PARD3: variants seen among roughly 807,000 people sequenced by gnomAD.
PARD3 encodes partitioning defective 3 homolog.
Under a neutral mutation model 155.4 loss-of-function variants are expected in PARD3, and 75 were observed. That is an observed-to-expected ratio of 0.48 (90% CI 0.40 to 0.58). The LOEUF is 0.58. Among genes scored for constraint, PARD3 ranks in the 20% least tolerant of loss-of-function variants. PARD3 has a pLI of 0.00. For missense variants in PARD3, 1,642 were observed against 1,721.7 expected, an observed-to-expected ratio of 0.95 and a Z score of 0.82; for synonymous variants, 576 against 610.5, an observed-to-expected ratio of 0.94 and a Z score of 0.83.
At chr10:34,725,547 C>T (rs1208775431) in intron 1 of PARD3, among the ~76,000 whole-genome samples, 2 of 152,182 alleles carry the variant, frequency 1.3e-5, no homozygotes, top group Admixed American at 1.3e-4. Flanking sequence ...ATTTTCACAA[C>T]AGTCCCTACT....
At chr10:34,746,900 G>A (rs888372477) in intron 1 of PARD3, among the ~76,000 whole-genome samples, 8 of 152,126 alleles carry the variant, frequency 5.3e-5, no homozygotes, top group South Asian at 4.1e-4. Flanking sequence ...ATGCCCAGGC[G>A]AGACACCCTG....
intron 2 of PARD3, among the ~76,000 whole-genome samples, chr10:34,692,091 G>C (rs1052055506): frequency 1.7e-4 from 26 of 152,142 alleles, no homozygotes; most frequent in African/African-American, 6.3e-4. Context: ...AATTAGCCAG[G>C]CATGGTGACG....
chr10:34,143,934 T>G (rs1948329558), intron 22 of PARD3, among the ~76,000 whole-genome samples: 1 of 152,078 alleles, frequency 6.6e-6, no homozygotes, highest in Admixed American at 6.5e-5. Context: ...ACTTCATAAT[T>G]ATTCATTAAT....
intron 2 of PARD3, among the ~76,000 whole-genome samples, chr10:34,666,261 T>C (rs114470977): frequency 1.8e-3 from 278 of 151,406 alleles, no homozygotes; most frequent in African/African-American, 6.5e-3. Context: ...CCCATTTAAG[T>C]ATAGAAGGTA....
At chr10:34,276,362 C>T (rs1955878970) in intron 21 of PARD3, among the ~76,000 whole-genome samples, 1 of 151,940 alleles carries the variant, frequency 6.6e-6, no homozygotes, top group African/African-American at 2.4e-5. Flanking sequence ...AATTTCTTTC[C>T]TGCTGTCACT....
intron 2 of PARD3, among the ~76,000 whole-genome samples, chr10:34,530,614 G>A (rs532174391): frequency 3.3e-5 from 5 of 152,188 alleles, no homozygotes; most frequent in African/African-American, 1.2e-4. Context: ...TGGCTTTGTT[G>A]TCAATTTTGT....
chr10:34,549,790 G>A (rs1252235319), intron 2 of PARD3, among the ~76,000 whole-genome samples: 1 of 152,012 alleles, frequency 6.6e-6, no homozygotes, highest in Non-Finnish European at 1.5e-5. Context: ...TCTGTCTTTA[G>A]ATGAGGCATA....
chr10:34,200,327 G>GA (rs939212016), intron 22 of PARD3, among the ~76,000 whole-genome samples: 75 of 150,332 alleles, frequency 5.0e-4, no homozygotes, highest in Admixed American at 2.2e-3. Flanking sequence ...GCAATAACAG[G>GA]AAAAAAAAAA....
At chr10:34,428,687 A>G (rs781136324) in intron 5 of PARD3, among the ~76,000 whole-genome samples, 2 of 152,182 alleles carry the variant, frequency 1.3e-5, no homozygotes, top group African/African-American at 2.4e-5. Context: ...CAATGGGACA[A>G]AAGGGCCAGG....
Position 34,413,136 on chromosome 10 carries a change from GATATAT to G in PARD3, c.715-11225_715-11220del, listed in dbSNP as rs139771703. Among the ~76,000 whole-genome samples the G allele has an allele frequency of 4.9e-3, 498 of 100,680 alleles. 2 individuals carry two copies. Among genetic ancestry groups the G allele is most frequent in the Admixed American group, 7.0e-3 (73 of 10,468 alleles). The allele number at this position is 100,680 out of a possible 152,430, so 66.0% of individuals were successfully genotyped here. On this transcript the variant is annotated intron_variant, in intron 5 of 24. Transcript: ENST00000374788. ...TGAAAAAACATTAGGCAGTACTTCA[GATATAT>G]ATACACACACACACACACACACACA...
chr10:34,813,040 T>TG (rs111345372), intron 1 of PARD3, among the ~76,000 whole-genome samples: 6 of 152,126 alleles, frequency 3.9e-5, no homozygotes, highest in African/African-American at 1.4e-4. Flanking sequence ...TCACAGCCAG[T>TG]GGGTCCCTTA....
intron 2 of PARD3, among the ~76,000 whole-genome samples, chr10:34,559,137 G>A (rs1207697916): frequency 6.6e-6 from 1 of 151,888 alleles, no homozygotes; most frequent in Non-Finnish European, 1.5e-5. Flanking sequence ...ACTTCCACAA[G>A]TCTCTAACTT....
At chr10:34,654,544 C>A (rs775123312) in intron 2 of PARD3, among the ~76,000 whole-genome samples, 3 of 152,132 alleles carry the variant, frequency 2.0e-5, no homozygotes, top group Non-Finnish European at 4.4e-5. Flanking sequence ...AGATGAAAAA[C>A]AAAAATAGAG....
At chr10:34,764,858 C>G (rs1837886579) in intron 1 of PARD3, among the ~76,000 whole-genome samples, 1 of 152,106 alleles carries the variant, frequency 6.6e-6, no homozygotes, top group African/African-American at 2.4e-5. Context: ...TCTCATTAGC[C>G]CAGCACACAG....
intron 1 of PARD3, among the ~76,000 whole-genome samples, chr10:34,701,777 C>A (rs553229608): frequency 6.6e-6 from 1 of 152,226 alleles, no homozygotes; most frequent in South Asian, 2.1e-4. Flanking sequence ...TGCACCTGTG[C>A]CCATAGTCCA....
chr10:34,578,832 C>T (rs1456436706), intron 2 of PARD3, among the ~76,000 whole-genome samples: 1 of 152,166 alleles, frequency 6.6e-6, no homozygotes, highest in Non-Finnish European at 1.5e-5. Flanking sequence ...ACTAACTAGA[C>T]TTTTATGTGG....
chr10:34,139,757 AACAG>A (rs948495475), intron 22 of PARD3, among the ~76,000 whole-genome samples: 1 of 152,194 alleles, frequency 6.6e-6, no homozygotes, highest in Non-Finnish European at 1.5e-5. Context: ...ATCCTTTCAA[AACAG>A]ACAGACTGTC....
rs113025031 is a variant in PARD3, at chr10:34,775,878, C to G, written c.120+38998G>C. ...ACCTCTGAAAAAGCAATAAGCAAAG[C>G]TATCATCCTCACCACCTTCATGCTT... On this transcript the variant is annotated intron_variant, in intron 1 of 24. Coordinates refer to ENST00000374788, the MANE Select transcript of PARD3 (RefSeq NM_001184785.2). Among the ~76,000 whole-genome samples, 827 of 152,208 alleles carry G rather than the reference C, an allele frequency of 5.4e-3. 9 individuals carry two copies. The highest frequency in any genetic ancestry group is 0.019 in the African/African-American group (786 of 41,526).
chr10:34,114,419 C>G (rs1946555065), intron 24 of PARD3, among the ~76,000 whole-genome samples: 1 of 152,158 alleles, frequency 6.6e-6, no homozygotes, highest in Non-Finnish European at 1.5e-5. Context: ...TCTTGGCTCA[C>G]TGCAACTTCT....
Sources: gnomAD v4.1 joint callset for allele counts (sites outside exome capture counted in the v4.1 genomes callset) on GRCh38, gnomAD v4.1.1 for gene constraint, MANE v1.5 for transcripts, NCBI Gene and HGNC (gene_info 2026-07-23, HGNC 2026-07-21) for gene names.